XPO7: variants seen among roughly 807,000 people sequenced by gnomAD.
XPO7 encodes the protein exportin 7.
A neutral mutation model predicts 144.3 loss-of-function variants in XPO7; 21 were observed. The observed-to-expected ratio is 0.15, with a 90% CI of 0.10 to 0.21. The LOEUF is 0.21. Among genes scored for constraint, XPO7 ranks in the 10% least tolerant of loss-of-function variants. XPO7 has a pLI of 1.00. For synonymous variants in XPO7, 580 were observed against 499.6 expected (o/e 1.16, Z -2.15); for missense variants, 808 against 1,325.8 (o/e 0.61, Z 6.06).
At chr8:21,921,860 C>A (rs1563305538) in intron 1 of XPO7, among the ~76,000 whole-genome samples, 1 of 152,118 alleles carries the variant, frequency 6.6e-6, no homozygotes, top group African/African-American at 2.4e-5. Flanking sequence ...GAGAATGGGA[C>A]ATACTGCTTT....
rs570604547 is a variant in XPO7, at chr8:21,925,107, A to G, written c.18+5319A>G. 1.6e-4 allele frequency among the ~76,000 whole-genome samples: 25 copies of G among 152,346 alleles called. No individual in the cohort carries two copies. In the South Asian group the frequency reaches 2.3e-3, roughly 14 times the overall value. On this transcript the variant is annotated intron_variant, in intron 1 of 27. Transcript: ENST00000252512. ...CCCCGTTATCTTTTCCCCCATTCCA[A>G]TACATGTCTGGAATACATTCATTCC... is the stretch of plus-strand genomic sequence containing the variant.
chr8:21,996,929 C>T (rs561266011), intron 21 of XPO7, among the ~76,000 whole-genome samples: 1 of 152,302 alleles, frequency 6.6e-6, no homozygotes, highest in East Asian at 1.9e-4. Context: ...CTGCCTCAGC[C>T]TCCCACATAG....
intron 1 of XPO7, among the ~76,000 whole-genome samples, chr8:21,935,976 C>T (rs762550066): frequency 2.0e-5 from 3 of 152,154 alleles, no homozygotes; most frequent in Admixed American, 1.3e-4. Flanking sequence ...GAGTATTTCT[C>T]TCCAAAACAA....
Position 21,989,030 on chromosome 8 carries a change from T to A in XPO7, c.1815T>A (p.Arg605=), listed in dbSNP as rs1364048951. 1 of 1,613,858 alleles carries A rather than the reference T, an allele frequency of 6.2e-7. No homozygotes were observed. Among genetic ancestry groups the A allele is most frequent in the East Asian group, 2.2e-5 (1 of 44,876 alleles). Reference sequence around the variant, plus strand: ...TCACCAACTTGAAGTACTGGGGCCGTTGTGAACCAATCACCTCCAAGACAC... The same window carrying A: ...TCACCAACTTGAAGTACTGGGGCCGATGTGAACCAATCACCTCCAAGACAC... ...KIITNLKYWG[R]CEPITSKTLQ... is the part of the protein sequence containing the mutation. Residue 605 remains arginine, a synonymous_variant, in exon 16 of 28, where the codon CGT becomes CGA. Transcript: ENST00000252512.
Position 21,987,243 on chromosome 8 carries a change from C to A in XPO7, c.1680C>A (p.Ile560=), listed in dbSNP as rs1344042745. The change falls in exon 14 of 28, where the codon ATC becomes ATA. Residue 560 remains isoleucine (I), a synonymous_variant. Coordinates refer to ENST00000252512, the MANE Select transcript of XPO7 (RefSeq NM_015024.5). The stretch of plus-strand genomic sequence containing the variant: ...GCTTTTTTGAACAGTTTCGTAAGAT[C>A]TACATTGGGGACCAAGTGCAGAAAT... The part of the protein sequence containing the change: ...MLSFFEQFRK[I]YIGDQVQKSS... 1.9e-6 allele frequency: 3 copies of A among 1,614,014 alleles called. No homozygotes were observed. In the African/African-American group the frequency reaches 4.0e-5, roughly 22 times the overall value.
rs78075462 is a variant in XPO7 at position 21,974,321 on chromosome 8, G to A, written c.493-349G>A. Among the ~76,000 whole-genome samples, 455 of 152,074 alleles carry A rather than the reference G, an allele frequency of 3.0e-3. 3 individuals carry two copies. The highest frequency in any genetic ancestry group is 3.5e-3 in the Non-Finnish European group (235 of 68,004). ...TAGAATTACAGAGGTGAGTCACCAC[G>A]CCTGGCCCATTAAGCCACAGTACAA... is the stretch of plus-strand genomic sequence containing the variant. On this transcript the variant is annotated intron_variant, in intron 5 of 27. Coordinates refer to ENST00000252512, the MANE Select transcript of XPO7 (RefSeq NM_015024.5).
intron 1 of XPO7, among the ~76,000 whole-genome samples, chr8:21,932,117 G>A (rs1469803258): frequency 6.6e-6 from 1 of 152,020 alleles, no homozygotes; most frequent in East Asian, 1.9e-4. Context: ...CAGGTGATCC[G>A]CACGCCTCCC....
intron 20 of XPO7, among the ~76,000 whole-genome samples, chr8:21,994,836 G>A (rs567746430): frequency 1.3e-5 from 2 of 152,112 alleles, no homozygotes; most frequent in African/African-American, 4.8e-5. Context: ...GGCGGATCAC[G>A]AGGTCAGGAG....
intron 1 of XPO7, among the ~76,000 whole-genome samples, chr8:21,954,396 G>A (rs1452215793): frequency 1.3e-5 from 2 of 152,202 alleles, no homozygotes; most frequent in African/African-American, 4.8e-5. Flanking sequence ...AGCACATTGG[G>A]AAGCCAAGAC....
intron 24 of XPO7, among the ~76,000 whole-genome samples, chr8:22,001,368 C>T (rs1025901260): frequency 6.6e-6 from 1 of 151,972 alleles, no homozygotes; most frequent in Non-Finnish European, 1.5e-5. Flanking sequence ...CTATCAGTCC[C>T]GTAGGAATCA....
chr8:21,966,645 G>A (rs1031184873), intron 1 of XPO7, among the ~76,000 whole-genome samples: 2 of 152,066 alleles, frequency 1.3e-5, no homozygotes, highest in African/African-American at 2.4e-5. Context: ...AAGTTATATA[G>A]GTATTCTAAG....
At chr8:21,989,176 G>A in intron 16 of XPO7, 93 bp downstream of exon 16, 1 of 1,174,636 alleles carries the variant, frequency 8.5e-7, no homozygotes, top group Non-Finnish European at 1.2e-6. Flanking sequence ...CTTCAGTTTA[G>A]CTGTAGTGTG....
Position 21,987,788 on chromosome 8 carries a change from A to G in XPO7, c.1718A>G (p.Tyr573Cys). Residue 573 changes from tyrosine (Y) to cysteine (C), a missense_variant, in exon 15 of 28, where the codon TAC (tyrosine) becomes TGC (cysteine). Transcript: ENST00000252512. ...ACTTTCTCTTCTTAACACCAGCTGT[A>G]CCGCCGACTCTCAGAAGTTCTGGGC... ...GDQVQKSSKLYRRLSEVLGLN... is the reference protein window; with the variant it reads ...GDQVQKSSKLCRRLSEVLGLN... 1 of 1,613,928 alleles carries G rather than the reference A, an allele frequency of 6.2e-7. No individual in the cohort carries two copies. Among genetic ancestry groups the G allele is most frequent in the South Asian group, 1.1e-5 (1 of 91,076 alleles).
intron 15 of XPO7, 87 bp from the exon 16 acceptor site, chr8:21,988,916 A>G (rs1812666825): frequency 8.0e-7 from 1 of 1,250,164 alleles, no homozygotes; most frequent in Admixed American, 2.2e-5. Context: ...GTGACTTTTG[A>G]TGAATGACTT....
chr8:21,984,096 T>C (rs1812493070), intron 11 of XPO7, among the ~76,000 whole-genome samples: 2 of 152,242 alleles, frequency 1.3e-5, no homozygotes, highest in South Asian at 2.1e-4. Flanking sequence ...TTGTAGTTTT[T>C]TTAAAATCCT....
chr8:21,998,611 T>G (rs1285991534), intron 21 of XPO7, 144 bp from the exon 22 acceptor site: 3 of 601,840 alleles, frequency 5.0e-6, no homozygotes, highest in Non-Finnish European at 5.8e-6. Flanking sequence ...TATCTATAAC[T>G]TGGTTATTCT....
chr8:21,974,575 C>T (rs1812167338), intron 5 of XPO7, 95 bp from the exon 6 acceptor site: 4 of 773,426 alleles, frequency 5.2e-6, no homozygotes, highest in Non-Finnish European at 6.1e-6. Context: ...TTATGTTGCT[C>T]TTACTGGAAA....
intron 17 of XPO7, 59 bp downstream of exon 17, chr8:21,990,466 A>T (rs1355619556): frequency 1.4e-4 from 227 of 1,587,218 alleles, no homozygotes; most frequent in Non-Finnish European, 1.9e-4. Context: ...CACTTTCTCG[A>T]CACATAAAGG....
rs573157054 is a variant in XPO7, at chr8:21,951,055, C to T, written c.19-15802C>T. Among the ~76,000 whole-genome samples the T allele has an allele frequency of 1.4e-3, 218 of 152,016 alleles. 2 individuals are homozygous for T. Among genetic ancestry groups the T allele is most frequent in the African/African-American group, 5.1e-3 (211 of 41,464 alleles). On this transcript the variant is annotated intron_variant, in intron 1 of 27. Coordinates refer to ENST00000252512, the MANE Select transcript of XPO7 (RefSeq NM_015024.5). ...AGGCTGGGGTGAGCCGAGGTCACAT[C>T]GCTGTACTCCAGCCTGGGCGACAGA... is the stretch of plus-strand genomic sequence containing the variant.
Sources: gnomAD v4.1 joint callset for allele counts (sites outside exome capture counted in the v4.1 genomes callset) on GRCh38, gnomAD v4.1.1 for gene constraint, MANE v1.5 for transcripts, NCBI Gene and HGNC (gene_info 2026-07-23, HGNC 2026-07-21) for gene names.